LRBA: variants seen among roughly 807,000 people sequenced by gnomAD.
LRBA encodes the protein LPS responsive beige-like anchor protein.
Under a neutral mutation model 330.0 loss-of-function variants are expected in LRBA, and 176 were observed. The observed-to-expected ratio is 0.53, with a 90% CI of 0.47 to 0.60. The LOEUF is 0.60. LRBA is among the 20% of genes least tolerant of loss of function. LRBA has a pLI of 0.00. For synonymous variants in LRBA, 1,230 were observed against 1,193.0 expected, an observed-to-expected ratio of 1.03 and a Z score of -0.64; for missense variants, 3,259 against 3,444.8, an observed-to-expected ratio of 0.95 and a Z score of 1.35.
chr4:150,596,774 C>G (rs922249075), intron 38 of LRBA, among the ~76,000 whole-genome samples: 9 of 151,500 alleles, frequency 5.9e-5, no homozygotes, highest in African/African-American at 2.2e-4. Context: ...AAATTAAGCT[C>G]TTTGTTTACA....
intron 33 of LRBA, among the ~76,000 whole-genome samples, chr4:150,803,396 T>C (rs1742043186): frequency 6.6e-6 from 1 of 152,056 alleles, no homozygotes; most frequent in African/African-American, 2.4e-5. Flanking sequence ...GAATATGGTT[T>C]GGATAGCTGG....
At chr4:150,920,248 T>G (rs1561007009) in intron 5 of LRBA, among the ~76,000 whole-genome samples, 1 of 152,176 alleles carries the variant, frequency 6.6e-6, no homozygotes, top group Non-Finnish European at 1.5e-5. Flanking sequence ...TGAAATATCT[T>G]TTTTAAAAGT....
chr4:150,623,190 C>T (rs138001590), intron 37 of LRBA, among the ~76,000 whole-genome samples: 7 of 152,164 alleles, frequency 4.6e-5, no homozygotes, highest in Admixed American at 6.5e-5. Flanking sequence ...TCTTTCCTGG[C>T]GGTACATTCA....
At chr4:150,370,897 T>A (rs900072821) in intron 47 of LRBA, among the ~76,000 whole-genome samples, 1 of 152,248 alleles carries the variant, frequency 6.6e-6, no homozygotes, top group East Asian at 1.9e-4. Context: ...TTCTTTGTCT[T>A]CCAAAGAATA....
intron 37 of LRBA, among the ~76,000 whole-genome samples, chr4:150,660,487 T>C (rs1581964299): frequency 6.9e-6 from 1 of 145,710 alleles, no homozygotes; most frequent in Non-Finnish European, 1.5e-5. Flanking sequence ...GTGGGGGGGG[T>C]CAGCCCCCCC....
chr4:150,893,091 T>A lies in LRBA; in HGVS notation c.2126A>T (p.Asn709Ile), dbSNP rs1011931648. ...TTGGTCAAAAGCAGGAATCATAGAG[T>A]TAGGGTGTTCTGACATTAATGCAAC... The part of the protein sequence containing the change: ...LLVALMSEHP[N>I]SMIPAFDQRN... The change falls in exon 17 of 57, where the codon AAC (asparagine) becomes ATC (isoleucine). Residue 709 changes from asparagine to isoleucine, a missense_variant. By Grantham distance (149) the Asn-to-Ile change is moderately radical. Coordinates refer to ENST00000651943, the MANE Select transcript of LRBA (RefSeq NM_001364905.1). 1.9e-6 allele frequency: 3 copies of A among 1,612,078 alleles called. No individual in the cohort carries two copies. Among genetic ancestry groups the A allele is most frequent in the Non-Finnish European group, 2.5e-6 (3 of 1,178,912 alleles).
chr4:150,786,027 T>C (rs1183300125), intron 34 of LRBA, among the ~76,000 whole-genome samples: 1 of 152,196 alleles, frequency 6.6e-6, no homozygotes, highest in Non-Finnish European at 1.5e-5. Flanking sequence ...TACATGGAAA[T>C]GAAGGCCAGA....
At chr4:150,527,313 C>G (rs981751539) in intron 40 of LRBA, among the ~76,000 whole-genome samples, 1 of 152,172 alleles carries the variant, frequency 6.6e-6, no homozygotes, top group African/African-American at 2.4e-5. Flanking sequence ...GAGGGAAGTA[C>G]TGGCTGAACC....
At chr4:150,816,359 T>C (rs1412076616) in intron 31 of LRBA, among the ~76,000 whole-genome samples, 1 of 151,968 alleles carries the variant, frequency 6.6e-6, no homozygotes, top group African/African-American at 2.4e-5. Context: ...AGAAAACCAC[T>C]GATACAGTAA....
At position 150,986,808 on chromosome 4, in the gene LRBA, A is replaced by T. The variant is rs1741512849; in HGVS notation, c.216+27619T>A. Among the ~76,000 whole-genome samples the T allele has an allele frequency of 3.9e-5, 6 of 152,340 alleles. No individual in the cohort carries two copies. In the South Asian group the frequency reaches 1.2e-3, roughly 32 times the overall value. ...GCAGAAGAACAGAATACAGATCCCA[A>T]GGAAAAGCAACAGCCCAAGGGGCAA... On this transcript the variant is annotated intron_variant, in intron 2 of 56. Coordinates refer to ENST00000651943, the MANE Select transcript of LRBA (RefSeq NM_001364905.1).
At chr4:150,481,332 T>C (rs1026814816) in intron 42 of LRBA, among the ~76,000 whole-genome samples, 6 of 152,126 alleles carry the variant, frequency 3.9e-5, no homozygotes, top group African/African-American at 1.2e-4. Flanking sequence ...TGTACTGATA[T>C]CCTTTCGTGT....
intron 40 of LRBA, among the ~76,000 whole-genome samples, chr4:150,495,112 C>T (rs1467888462): frequency 6.6e-6 from 1 of 152,098 alleles, no homozygotes; most frequent in Non-Finnish European, 1.5e-5. Flanking sequence ...GTGATAAATG[C>T]ATTACAGACA....
intron 37 of LRBA, among the ~76,000 whole-genome samples, chr4:150,641,738 T>C (rs1455149894): frequency 6.6e-6 from 1 of 152,088 alleles, no homozygotes; most frequent in Non-Finnish European, 1.5e-5. Flanking sequence ...GTATAGGAGT[T>C]GGTTACAGTC....
At chr4:150,656,957 A>G (rs1489195673) in intron 37 of LRBA, among the ~76,000 whole-genome samples, 1 of 152,248 alleles carries the variant, frequency 6.6e-6, no homozygotes, top group East Asian at 1.9e-4. Flanking sequence ...AAAGGCAAAT[A>G]TGTAACATAT....
Position 150,916,435 on chromosome 4 carries a change from T to C in LRBA, c.860A>G (p.Gln287Arg). ...TSIKSKGKGF[Q>R]HCVKFDFKPQ... The stretch of plus-strand genomic sequence containing the variant: ...CTTGAAATCAAATTTCACACAGTGT[T>C]GAAAGCCTTTTCCTTTTGACTTTAT... Residue 287 changes from glutamine (Q) to arginine (R), a missense_variant, in exon 7 of 57, where the codon CAA becomes CGA. Transcript: ENST00000651943. The C allele has an allele frequency of 6.2e-7, 1 of 1,613,752 alleles. No homozygotes were observed. The highest frequency in any genetic ancestry group is 1.1e-5 in the South Asian group (1 of 91,048).
intron 47 of LRBA, among the ~76,000 whole-genome samples, chr4:150,356,275 G>T (rs1283017219): frequency 6.6e-6 from 1 of 152,040 alleles, no homozygotes; most frequent in African/African-American, 2.4e-5. Context: ...AGTTTAGCCT[G>T]TTCAAACAAA....
At chr4:150,411,453 T>C (rs978384479) in intron 47 of LRBA, among the ~76,000 whole-genome samples, 1 of 152,194 alleles carries the variant, frequency 6.6e-6, no homozygotes, top group African/African-American at 2.4e-5. Flanking sequence ...AAAATGAGTA[T>C]GTCAGTTAAT....
chr4:150,575,534 T>A (rs10003085), intron 40 of LRBA, among the ~76,000 whole-genome samples: 11,908 of 151,950 alleles, frequency 0.078, 807 homozygotes, highest in East Asian at 0.18. Flanking sequence ...TCCTAAAGTA[T>A]AACAAAAACC....
At chr4:150,828,922 G>GGTGTGTGTGTGTGTGTGTGTGT (rs753950457) in intron 29 of LRBA, among the ~76,000 whole-genome samples, 4 of 106,238 alleles carry the variant, frequency 3.8e-5, no homozygotes, top group Non-Finnish European at 5.7e-5. Flanking sequence ...CTTTTTTGGG[G>GGTGTGTGTGTGTGTGTGTGTGT]GTGTGTGTGT....
Sources: gnomAD v4.1 joint callset for allele counts (sites outside exome capture counted in the v4.1 genomes callset) on GRCh38, gnomAD v4.1.1 for gene constraint, MANE v1.5 for transcripts, NCBI Gene and HGNC (gene_info 2026-07-23, HGNC 2026-07-21) for gene names.